Variants in PNLIP observed in about 807,000 individuals in gnomAD.
PNLIP encodes pancreatic lipase, also known as pancreatic triacylglycerol lipase.
Under a neutral mutation model 57.1 loss-of-function variants are expected in PNLIP, and 49 were observed. That is an observed-to-expected ratio of 0.86 (90% CI 0.68 to 1.09). PNLIP has a LOEUF of 1.09. Among genes scored for constraint, PNLIP ranks in the 50% least tolerant of loss-of-function variants. The pLI is 0.00. For synonymous variants in PNLIP, 209 were observed against 200.4 expected, an observed-to-expected ratio of 1.04 and a Z score of -0.36; for missense variants, 503 against 570.2, an observed-to-expected ratio of 0.88 and a Z score of 1.20.
rs527727904 is a variant in PNLIP at position 116,558,845 on chromosome 10, G to A, written c.931-309G>A. 4.0e-5 allele frequency among the ~76,000 whole-genome samples: 6 copies of A among 151,742 alleles called. No individual in the cohort carries two copies. The East Asian group carries it at 1.2e-3, about 30-fold the overall frequency. On this transcript the variant is annotated intron_variant, in intron 9 of 12. Coordinates refer to ENST00000369221, the MANE Select transcript of PNLIP (RefSeq NM_000936.4). ...TCACCATGTTGGTCAGGCTGGTCTC[G>A]AACTCCTGACCTCTGGTGATCCACC...
intron 11 of PNLIP, 61 bp from the exon 12 acceptor site, chr10:116,561,411 A>G: frequency 8.0e-7 from 1 of 1,248,912 alleles, no homozygotes; most frequent in South Asian, 1.4e-5. Flanking sequence ...ACACACAAAT[A>G]TATATGTATA....
rs374594287 is a variant in PNLIP at position 116,561,442 on chromosome 10, T to A, written c.1170-30T>A. The A allele has an allele frequency of 2.6e-6, 4 of 1,553,810 alleles. No homozygotes were observed. The East Asian group carries it at 6.7e-5, about 26-fold the overall frequency. Reference sequence around the variant, plus strand: ...GTATATATTTACATGTATGCTCATGTATGTTTTTGTTAACTTCTTAAATCC... The same window carrying A: ...GTATATATTTACATGTATGCTCATGAATGTTTTTGTTAACTTCTTAAATCC... On this transcript the variant is annotated intron_variant, in intron 11 of 12. Coordinates refer to ENST00000369221, the MANE Select transcript of PNLIP (RefSeq NM_000936.4).
intron 11 of PNLIP, 26 bp downstream of exon 11, chr10:116,560,550 CT>C (rs753235094): frequency 0.17 from 86,803 of 498,772 alleles, 196 homozygotes; most frequent in Non-Finnish European, 0.18. Flanking sequence ...TTGCTCTATG[CT>C]TTTTTTTTTT....
chr10:116,548,977 T>G (rs1467383390), intron 4 of PNLIP, among the ~76,000 whole-genome samples: 1 of 152,234 alleles, frequency 6.6e-6, no homozygotes, highest in African/African-American at 2.4e-5. Flanking sequence ...TGATCCTATT[T>G]TCTTTAATTT....
intron 5 of PNLIP, 51 bp from the exon 6 acceptor site, chr10:116,553,676 C>T: frequency 1.9e-6 from 2 of 1,033,430 alleles, no homozygotes; most frequent in East Asian, 2.4e-5. Flanking sequence ...TGTTGTTGAG[C>T]AACTCATGAC....
In PNLIP at chr10:116,547,309, A is replaced by G; in HGVS notation, c.62A>G (p.Tyr21Cys). The G allele has an allele frequency of 6.2e-7, 1 of 1,614,158 alleles. No individual in the cohort carries two copies. The highest frequency in any genetic ancestry group is 8.5e-7 in the Non-Finnish European group (1 of 1,180,012). Residue 21 changes from tyrosine (Y) to cysteine (C), a missense_variant, in exon 3 of 13, where the codon TAC (tyrosine) becomes TGC (cysteine). Tyr to Cys is a radical substitution (Grantham distance 194, BLOSUM62 -2). Coordinates refer to ENST00000369221, the MANE Select transcript of PNLIP (RefSeq NM_000936.4). ...LGAVAGKEVC[Y>C]ERLGCFSDDS... Reference sequence around the variant, plus strand: ...GGGATTGCAGGAAAAGAAGTTTGCTACGAAAGACTCGGCTGCTTCAGTGAT... The same window carrying G: ...GGGATTGCAGGAAAAGAAGTTTGCTGCGAAAGACTCGGCTGCTTCAGTGAT...
intron 12 of PNLIP, among the ~76,000 whole-genome samples, chr10:116,562,196 A>G (rs1230827850): frequency 6.6e-6 from 1 of 152,200 alleles, no homozygotes; most frequent in Non-Finnish European, 1.5e-5. Flanking sequence ...AGTATTTCTG[A>G]GTATTAGGCC....
At chr10:116,547,710 A>T (rs1847144813) in intron 3 of PNLIP, among the ~76,000 whole-genome samples, 1 of 143,092 alleles carries the variant, frequency 7.0e-6, no homozygotes, top group Middle Eastern at 3.6e-3. Context: ...TGGGCGACAC[A>T]GTGAGACTCC....
In PNLIP at chr10:116,556,138, C is replaced by T. The variant is rs1270666674; in HGVS notation, c.930+20C>T. 10 of 1,396,062 alleles carry T rather than the reference C, an allele frequency of 7.2e-6. No individual in the cohort carries two copies. Among genetic ancestry groups the T allele is most frequent in the East Asian group, 2.3e-5 (1 of 43,822 alleles). The allele number at this position is 1,396,062 out of a possible 1,614,324, so 86.5% of individuals were successfully genotyped here. A position where few individuals can be genotyped will look rare whatever the true frequency, so the allele number is the denominator to read the frequency against. On this transcript the variant is annotated intron_variant, in intron 9 of 12. Coordinates refer to ENST00000369221, the MANE Select transcript of PNLIP (RefSeq NM_000936.4). ...ACTGCAGTAAGTAGACTCCACCTTC[C>T]GCATAAAGAATTTTGTGACTGTCAC...
At chr10:116,551,909 A>G (rs996772878) in intron 5 of PNLIP, among the ~76,000 whole-genome samples, 2 of 152,196 alleles carry the variant, frequency 1.3e-5, no homozygotes, top group Non-Finnish European at 2.9e-5. Context: ...TGCGCGCCTC[A>G]TTGAATTCTG....
chr10:116,549,364 A>C (rs1006975679), intron 4 of PNLIP, among the ~76,000 whole-genome samples: 1 of 152,180 alleles, frequency 6.6e-6, no homozygotes, highest in East Asian at 1.9e-4. Context: ...CTGTAATCCC[A>C]GCTACTCAGG....
chr10:116,557,044 CA>C (rs1326884234), intron 9 of PNLIP, among the ~76,000 whole-genome samples: 27 of 152,026 alleles, frequency 1.8e-4, no homozygotes, highest in African/African-American at 6.3e-4. Flanking sequence ...TAGCCCAGAG[CA>C]AAAAAATATA....
In PNLIP at chr10:116,553,746, C is replaced by A. The variant is rs1057223514; in HGVS notation, c.479C>A (p.Pro160His). 4.3e-6 allele frequency: 7 copies of A among 1,612,342 alleles called. No homozygotes were observed. Among genetic ancestry groups the A allele is most frequent in the Admixed American group, 1.7e-5 (1 of 59,966 alleles). ...EFLQSAFGYS[P>H]SNVHVIGHSL... ...CGACAGTCGGCGTTCGGTTACTCAC[C>A]TTCCAATGTGCATGTCATTGGCCAC... The change falls in exon 6 of 13, where the codon CCT becomes CAT. Residue 160 changes from proline (P) to histidine (H), a missense_variant. By Grantham distance (77) the Pro-to-His change is moderately conservative. Coordinates refer to ENST00000369221, the MANE Select transcript of PNLIP (RefSeq NM_000936.4).
intron 11 of PNLIP, 70 bp from the exon 12 acceptor site, chr10:116,561,402 C>T: frequency 8.5e-7 from 1 of 1,173,450 alleles, no homozygotes; most frequent in Non-Finnish European, 1.2e-6. Flanking sequence ...CACTTACATA[C>T]ACACAAATAT....
At position 116,561,545 on chromosome 10, in the gene PNLIP, G is replaced by T; in HGVS notation, c.1243G>T (p.Val415Phe). Residue 415 changes from valine to phenylalanine, a missense_variant, in exon 12 of 13, where the codon GTT (valine) becomes TTT (phenylalanine). By Grantham distance (50) the Val-to-Phe change is conservative (BLOSUM62 -1). Transcript: ENST00000369221. ...TGTGGATGTTGGGGACTTGCAGATGGTTAAATTTATTTGGTATAACAATGT... is the reference window on the plus strand; with the variant it reads ...TGTGGATGTTGGGGACTTGCAGATGTTTAAATTTATTTGGTATAACAATGT... Reference protein sequence around the residue: ...SDVDVGDLQMVKFIWYNNVIN... With the variant: ...SDVDVGDLQMFKFIWYNNVIN... 1 of 1,613,730 alleles carries T rather than the reference G, an allele frequency of 6.2e-7. No homozygotes were observed. The highest frequency in any genetic ancestry group is 8.5e-7 in the Non-Finnish European group (1 of 1,179,756).
intron 10 of PNLIP, among the ~76,000 whole-genome samples, chr10:116,559,868 C>G (rs1847294376): frequency 6.6e-6 from 1 of 152,148 alleles, no homozygotes; most frequent in African/African-American, 2.4e-5. Context: ...CTCTGCCTAT[C>G]TCTAAATGGC....
At chr10:116,555,973 T>C (rs1254689216) in intron 8 of PNLIP, 27 bp from the exon 9 acceptor site, 6 of 1,328,704 alleles carry the variant, frequency 4.5e-6, no homozygotes, top group Admixed American at 1.7e-5. Context: ...AATCTGTCCT[T>C]GATGTGTAAT....
In PNLIP at chr10:116,559,213, A is replaced by G; in HGVS notation, c.990A>G (p.Arg330=). 1.2e-6 allele frequency: 2 copies of G among 1,614,018 alleles called. No homozygotes were observed. Among genetic ancestry groups the G allele is most frequent in the Admixed American group, 1.7e-5 (1 of 60,024 alleles). Residue 330 remains arginine, a synonymous_variant, in exon 10 of 13, where the codon AGA becomes AGG. Coordinates refer to ENST00000369221, the MANE Select transcript of PNLIP (RefSeq NM_000936.4). Reference sequence around the variant, plus strand: ...CACAGATGGGTCACTATGCTGATAGATATCCTGGGAAAACAAATGATGTGG... The same window carrying G: ...CACAGATGGGTCACTATGCTGATAGGTATCCTGGGAAAACAAATGATGTGG... ...GCPQMGHYAD[R]YPGKTNDVGQ... is the part of the protein sequence containing the mutation.
intron 12 of PNLIP, among the ~76,000 whole-genome samples, chr10:116,567,144 C>CTTTCTTTCTTTTA (rs1564728825): frequency 7.8e-5 from 10 of 128,882 alleles, no homozygotes; most frequent in African/African-American, 2.9e-4. Context: ...TCTTTCTTTT[C>CTTTCTTTCTTTTA]TTCTCTTTCT....
Sources: allele counts gnomAD v4.1 joint callset (sites outside exome capture counted in the v4.1 genomes callset), GRCh38; gene constraint gnomAD v4.1.1; transcripts MANE v1.5; gene names NCBI Gene and HGNC (gene_info 2026-07-23, HGNC 2026-07-21).